CTNND2: variants seen among roughly 807,000 people sequenced by gnomAD.
The protein encoded by CTNND2 is catenin delta-2.
A neutral mutation model predicts 144.4 loss-of-function variants in CTNND2; 22 were observed. The observed-to-expected ratio is 0.15, with a 90% CI of 0.11 to 0.22. The LOEUF is 0.22. Ranked by LOEUF, CTNND2 falls within the 10% of genes least tolerant of loss-of-function variation. The pLI is 1.00. For synonymous variants in CTNND2, 751 were observed against 695.6 expected (o/e 1.08, Z -1.25); for missense variants, 1,353 against 1,618.8 (o/e 0.84, Z 2.82).
intron 9 of CTNND2, among the ~76,000 whole-genome samples, chr5:11,248,113 C>T (rs1454441076): frequency 6.6e-6 from 1 of 151,974 alleles, no homozygotes; most frequent in Non-Finnish European, 1.5e-5. Context: ...ATTAACAGCC[C>T]GTGATGTTTC....
At chr5:11,142,939 T>C (rs1271029926) in intron 12 of CTNND2, among the ~76,000 whole-genome samples, 2 of 152,122 alleles carry the variant, frequency 1.3e-5, no homozygotes, top group African/African-American at 4.8e-5. Flanking sequence ...ACACTTAACA[T>C]CATACCCTCA....
chr5:11,332,650 C>T (rs1258143270), intron 9 of CTNND2, among the ~76,000 whole-genome samples: 1 of 152,140 alleles, frequency 6.6e-6, no homozygotes, highest in Non-Finnish European at 1.5e-5. Context: ...TTCCCCTTCC[C>T]ACATCCCCAG....
chr5:11,792,615 C>T (rs1479776922), intron 1 of CTNND2, among the ~76,000 whole-genome samples: 3 of 152,134 alleles, frequency 2.0e-5, no homozygotes, highest in African/African-American at 4.8e-5. Flanking sequence ...ACATCAAGGC[C>T]GATGAATTGA....
chr5:11,663,261 C>T (rs1783376386), intron 2 of CTNND2, among the ~76,000 whole-genome samples: 1 of 152,154 alleles, frequency 6.6e-6, no homozygotes, highest in African/African-American at 2.4e-5. Flanking sequence ...ATGTTCTCCA[C>T]TTGTCATTAG....
chr5:11,521,515 T>C (rs1030901273), intron 3 of CTNND2, among the ~76,000 whole-genome samples: 7 of 152,194 alleles, frequency 4.6e-5, no homozygotes, highest in African/African-American at 1.7e-4. Context: ...TCAATGCATG[T>C]TTGTCATCAT....
chr5:11,769,725 C>A (rs1789809724), intron 1 of CTNND2, among the ~76,000 whole-genome samples: 1 of 151,930 alleles, frequency 6.6e-6, no homozygotes, highest in African/African-American at 2.4e-5. Flanking sequence ...AAATATATGC[C>A]CCAGAATAAG....
At chr5:11,882,622 A>G (rs149533516) in intron 1 of CTNND2, among the ~76,000 whole-genome samples, 1 of 152,086 alleles carries the variant, frequency 6.6e-6, no homozygotes, top group Non-Finnish European at 1.5e-5. Flanking sequence ...CCAGAAGTAC[A>G]TGGATTTATT....
At chr5:11,501,968 C>G (rs1770565689) in intron 3 of CTNND2, among the ~76,000 whole-genome samples, 1 of 140,424 alleles carries the variant, frequency 7.1e-6, no homozygotes, top group Non-Finnish European at 1.5e-5. Context: ...ACGGAGCTTG[C>G]AGTGAGCCGT....
chr5:11,807,297 T>C (rs567716600), intron 1 of CTNND2, among the ~76,000 whole-genome samples: 2 of 152,274 alleles, frequency 1.3e-5, no homozygotes, highest in South Asian at 4.1e-4. Context: ...GCTTGTTGTG[T>C]CCAATTAAAC....
chr5:11,158,398 G>A (rs1758428011), intron 12 of CTNND2, among the ~76,000 whole-genome samples: 1 of 152,144 alleles, frequency 6.6e-6, no homozygotes, highest in Non-Finnish European at 1.5e-5. Flanking sequence ...GGGTTTCAGA[G>A]TACTGTATAT....
At chr5:11,467,962 A>T (rs1057025757) in intron 3 of CTNND2, among the ~76,000 whole-genome samples, 2 of 152,258 alleles carry the variant, frequency 1.3e-5, no homozygotes, top group African/African-American at 4.8e-5. Context: ...TTTTAGAGAT[A>T]TCGTACTGTT....
intron 3 of CTNND2, among the ~76,000 whole-genome samples, chr5:11,497,519 T>TGGGGGGGGGGGGGGGG (rs1234235644): frequency 2.2e-4 from 3 of 13,740 alleles, no homozygotes; most frequent in East Asian, 2.2e-3. Context: ...TGCGGGGGGG[T>TGGGGGGGGGGGGGGGG]GGGGGGGGGC....
intron 9 of CTNND2, among the ~76,000 whole-genome samples, chr5:11,260,590 G>A (rs901398804): frequency 1.2e-4 from 19 of 152,054 alleles, no homozygotes; most frequent in African/African-American, 4.1e-4. Flanking sequence ...TCCCACAGTC[G>A]AAGGGGAAAA....
chr5:11,098,884 T>C (rs972326661), intron 14 of CTNND2, 136 bp from the exon 15 acceptor site: 17 of 727,170 alleles, frequency 2.3e-5, no homozygotes, highest in African/African-American at 3.5e-5. Context: ...ACGGAGGCTA[T>C]TGCATCAGCA....
intron 1 of CTNND2, among the ~76,000 whole-genome samples, chr5:11,785,315 C>A (rs1790767481): frequency 6.6e-6 from 1 of 152,070 alleles, no homozygotes; most frequent in Admixed American, 6.5e-5. Context: ...GGAAACAGGA[C>A]AGATACAGAT....
intron 2 of CTNND2, among the ~76,000 whole-genome samples, chr5:11,712,104 C>G (rs1370826683): frequency 1.3e-5 from 2 of 152,124 alleles, no homozygotes; most frequent in African/African-American, 4.8e-5. Context: ...CCAGCCAGCT[C>G]CATCATGTAG....
chr5:11,776,787 A>G (rs1790279030), intron 1 of CTNND2, among the ~76,000 whole-genome samples: 1 of 152,254 alleles, frequency 6.6e-6, no homozygotes, highest in Admixed American at 6.5e-5. Context: ...ATTACTTTAA[A>G]AAAAGGCATA....
chr5:11,736,318 C>T (rs1420026752), intron 1 of CTNND2, among the ~76,000 whole-genome samples: 1 of 152,192 alleles, frequency 6.6e-6, no homozygotes, highest in Non-Finnish European at 1.5e-5. Flanking sequence ...ATAATTAGGC[C>T]TGTTTATCTA....
At chr5:11,027,641 C>T (rs561607447) in intron 16 of CTNND2, among the ~76,000 whole-genome samples, 3 of 152,196 alleles carry the variant, frequency 2.0e-5, no homozygotes, top group South Asian at 4.2e-4. Flanking sequence ...CTTCAAATAC[C>T]TGTATTTTGT....
Sources: gnomAD v4.1 joint callset for allele counts (sites outside exome capture counted in the v4.1 genomes callset) on GRCh38, gnomAD v4.1.1 for gene constraint, MANE v1.5 for transcripts, NCBI Gene and HGNC (gene_info 2026-07-23, HGNC 2026-07-21) for gene names.